The following CCDC85A variants were observed in gnomAD, a reference collection of about 807,000 sequenced individuals.
CCDC85A encodes coiled-coil domain-containing protein 85A.
In CCDC85A, 38 loss-of-function variants were observed where a neutral mutation model predicts 50.2. That is an observed-to-expected ratio of 0.76 (90% confidence interval 0.58 to 0.99). The LOEUF (loss-of-function observed/expected upper bound fraction) is 0.99, where lower values mean the gene tolerates loss of function less well. Ranked by LOEUF, CCDC85A falls within the 50% of genes least tolerant of loss-of-function variation. The pLI is 0.00. For synonymous variants in CCDC85A, 366 were observed against 301.4 expected (o/e 1.21, Z -2.22); for missense variants, 820 against 742.0 (o/e 1.11, Z -1.22).
At chr2:56,329,231 A>G (rs1190374839) in intron 2 of CCDC85A, among the ~76,000 whole-genome samples, 1 of 152,060 alleles carries the variant, frequency 6.6e-6, no homozygotes, top group African/African-American at 2.4e-5. Context: ...CTCATTCCCA[A>G]ATGTTTGTAT....
intron 2 of CCDC85A, among the ~76,000 whole-genome samples, chr2:56,241,455 C>G (rs1357262451): frequency 3.3e-5 from 5 of 151,962 alleles, no homozygotes; most frequent in Non-Finnish European, 7.4e-5. Flanking sequence ...ATTAACCATC[C>G]CCAATTCCCC....
intron 2 of CCDC85A, among the ~76,000 whole-genome samples, chr2:56,294,063 C>T (rs1164336459): frequency 3.9e-5 from 6 of 152,136 alleles, no homozygotes; most frequent in African/African-American, 1.4e-4. Flanking sequence ...CCCAAATGCC[C>T]ATCAATGATA....
chr2:56,323,585 T>A lies in CCDC85A; in HGVS notation c.1241-19294T>A, dbSNP rs115663369. On this transcript the variant is annotated intron_variant, in intron 2 of 5. Transcript: ENST00000407595. ...CCTGGGGAAGAACCTTCTCTAAGCTTATGTGGATTATTTGGCTGAGCTTCT... is the reference window on the plus strand; with the variant it reads ...CCTGGGGAAGAACCTTCTCTAAGCTAATGTGGATTATTTGGCTGAGCTTCT... 9.4e-3 allele frequency among the ~76,000 whole-genome samples: 1,434 copies of A among 152,096 alleles called. 21 individuals are homozygous for A. The highest frequency in any genetic ancestry group is 0.032 in the African/African-American group (1,344 of 41,490).
chr2:56,381,440 G>T (rs1211689672), intron 5 of CCDC85A, among the ~76,000 whole-genome samples: 1 of 152,090 alleles, frequency 6.6e-6, no homozygotes, highest in African/African-American at 2.4e-5. Context: ...CCAAAGAATA[G>T]TATGTGGACC....
chr2:56,184,024 C>T lies in CCDC85A; in HGVS notation c.-601C>T, dbSNP rs1675876183. On this transcript the variant is annotated 5_prime_UTR_variant, in exon 1 of 6. Coordinates refer to ENST00000407595, the MANE Select transcript of CCDC85A (RefSeq NM_001080433.2). Reference sequence around the variant, plus strand: ...TCCGCTCTGCAAATCGAAGGCTTTCCGGAGCAGCCTAGGAGCGGCCGCGGG... The same window carrying T: ...TCCGCTCTGCAAATCGAAGGCTTTCTGGAGCAGCCTAGGAGCGGCCGCGGG... 14 of 985,524 alleles carry T rather than the reference C, an allele frequency of 1.4e-5. No individual in the cohort carries two copies. The South Asian group carries it at 6.6e-4, about 46-fold the overall frequency. 61.0% of individuals were successfully genotyped at this position (985,524 alleles called of 1,614,324 possible). A position where few individuals can be genotyped will look rare whatever the true frequency, so the allele number is the denominator to read the frequency against.
intron 3 of CCDC85A, 26 bp downstream of exon 3, chr2:56,342,981 C>T (rs1284484967): frequency 6.8e-7 from 1 of 1,462,606 alleles, no homozygotes; most frequent in East Asian, 2.4e-5. Flanking sequence ...AAGCTCATAG[C>T]TAGTCAGTGC....
In CCDC85A at chr2:56,372,378, A is replaced by G. The variant is rs746586844; in HGVS notation, c.1352A>G (p.Asn451Ser). The change falls in exon 4 of 6, where the codon AAC (asparagine) becomes AGC (serine). Residue 451 changes from asparagine to serine, a missense_variant. By Grantham distance (46) the Asn-to-Ser change is conservative. Transcript: ENST00000407595. ...SQNRRQPPTR[N>S]SSNMEKGWGS... The stretch of plus-strand genomic sequence containing the variant: ...AATAGAAGGCAACCTCCAACTAGAA[A>G]CAGCTCAAATATGGAGAAAGGCTGG... 84 of 1,593,786 alleles carry G rather than the reference A, an allele frequency of 5.3e-5. No homozygotes were observed. Among genetic ancestry groups the G allele is most frequent in the Non-Finnish European group, 6.9e-5 (81 of 1,169,634 alleles).
intron 2 of CCDC85A, among the ~76,000 whole-genome samples, chr2:56,207,768 T>C (rs1246736936): frequency 6.6e-6 from 1 of 152,160 alleles, no homozygotes; most frequent in Admixed American, 6.5e-5. Flanking sequence ...ATAAATTCTT[T>C]AAAGGAAACC....
intron 4 of CCDC85A, among the ~76,000 whole-genome samples, chr2:56,374,246 A>T (rs1676222963): frequency 6.6e-6 from 1 of 152,098 alleles, no homozygotes; most frequent in South Asian, 2.1e-4. Flanking sequence ...TGGGTGCAGG[A>T]CCTGACTGGA....
intron 2 of CCDC85A, among the ~76,000 whole-genome samples, chr2:56,216,888 A>C (rs1395867824): frequency 2.0e-5 from 3 of 151,730 alleles, no homozygotes; most frequent in Admixed American, 6.6e-5. Context: ...CATGGGGCCA[A>C]GGGAATGTGA....
intron 2 of CCDC85A, among the ~76,000 whole-genome samples, chr2:56,243,441 G>A (rs1430940438): frequency 6.6e-6 from 1 of 151,922 alleles, no homozygotes; most frequent in African/African-American, 2.4e-5. Context: ...TCTTCAGTAT[G>A]TCAGTTGCAT....
At chr2:56,333,006 C>T (rs537670444) in intron 2 of CCDC85A, among the ~76,000 whole-genome samples, 29 of 152,256 alleles carry the variant, frequency 1.9e-4, no homozygotes, top group African/African-American at 6.7e-4. Flanking sequence ...GTGCCAAACA[C>T]TATTCTAGGC....
At chr2:56,360,941 A>G (rs1243874926) in intron 3 of CCDC85A, among the ~76,000 whole-genome samples, 1 of 152,222 alleles carries the variant, frequency 6.6e-6, no homozygotes, top group Non-Finnish European at 1.5e-5. Context: ...TCTTAGCACA[A>G]GCAAAACATC....
intron 2 of CCDC85A, among the ~76,000 whole-genome samples, chr2:56,284,425 T>G (rs1464423413): frequency 6.6e-6 from 1 of 152,204 alleles, no homozygotes; most frequent in Non-Finnish European, 1.5e-5. Context: ...CAGGTTGGAG[T>G]GCAGTGGCGT....
intron 2 of CCDC85A, among the ~76,000 whole-genome samples, chr2:56,228,033 A>T (rs549335515): frequency 1.7e-3 from 256 of 152,324 alleles, no homozygotes; most frequent in Non-Finnish European, 2.5e-3. Context: ...AGATTGAAAT[A>T]CTTTTTCCAA....
At chr2:56,271,586 T>A (rs1422094300) in intron 2 of CCDC85A, among the ~76,000 whole-genome samples, 1 of 152,134 alleles carries the variant, frequency 6.6e-6, no homozygotes, top group Non-Finnish European at 1.5e-5. Flanking sequence ...GGCTAATACA[T>A]TAGGTCATTT....
chr2:56,350,322 G>A lies in CCDC85A; in HGVS notation c.1317+7367G>A, dbSNP rs191607809. 3.0e-3 allele frequency among the ~76,000 whole-genome samples: 459 copies of A among 152,110 alleles called. 1 individual carries two copies. The highest frequency in any genetic ancestry group is 0.011 in the African/African-American group (440 of 41,496). ...GCAGTGGCTCACGCCTATAATCCCAGCACTTTGGGAGGCCGAGGTGGGCGG... is the reference window on the plus strand; with the variant it reads ...GCAGTGGCTCACGCCTATAATCCCAACACTTTGGGAGGCCGAGGTGGGCGG... On this transcript the variant is annotated intron_variant, in intron 3 of 5. Transcript: ENST00000407595.
In CCDC85A at chr2:56,385,556, C is replaced by T. The variant is rs1411526335; in HGVS notation, c.*1201C>T. 6 of 151,984 alleles carry T rather than the reference C, an allele frequency of 3.9e-5. No homozygotes were observed. The highest frequency in any genetic ancestry group is 9.7e-5 in the African/African-American group (4 of 41,278). 9.4% of individuals were successfully genotyped at this position (151,984 alleles called of 1,614,324 possible). A position where few individuals can be genotyped will look rare whatever the true frequency, so the allele number is the denominator to read the frequency against. ...TATGAATGTGCAAGAGGCCTGTGAC[C>T]GAATGCTACGTTTTTATGGTAGTTT... On this transcript the variant is annotated 3_prime_UTR_variant, in exon 6 of 6. Transcript: ENST00000407595.
At chr2:56,225,518 A>G (rs1668507061) in intron 2 of CCDC85A, among the ~76,000 whole-genome samples, 1 of 152,122 alleles carries the variant, frequency 6.6e-6, no homozygotes, top group East Asian at 1.9e-4. Context: ...TGCCAGTACC[A>G]GAGTGTCTTT....
Sources: gnomAD v4.1 joint callset for allele counts (sites outside exome capture counted in the v4.1 genomes callset) on GRCh38, gnomAD v4.1.1 for gene constraint, MANE v1.5 for transcripts, NCBI Gene and HGNC (gene_info 2026-07-23, HGNC 2026-07-21) for gene names.